Variants in MAP3K1 observed in about 807,000 individuals in gnomAD.
MAP3K1 encodes the protein MAP/ERK kinase kinase 1.
Under a neutral mutation model 144.2 loss-of-function variants are expected in MAP3K1, and 36 were observed. The ratio of observed to expected loss-of-function variants is 0.25; its 90% CI spans 0.19 to 0.33. The LOEUF is 0.33. Ranked by LOEUF, MAP3K1 falls within the 10% of genes least tolerant of loss-of-function variation. The pLI is 1.00. For missense variants in MAP3K1, 1,650 were observed against 1,881.9 expected, an observed-to-expected ratio of 0.88 and a Z score of 2.28; for synonymous variants, 718 against 688.7, an observed-to-expected ratio of 1.04 and a Z score of -0.67.
Position 56,815,972 on chromosome 5 carries a change from C to T in MAP3K1, c.399C>T (p.Ser133=), listed in dbSNP as rs945114075. Residue 133 remains serine, a synonymous_variant, in exon 1 of 20, where the codon AGC becomes AGT. Coordinates refer to ENST00000399503, the MANE Select transcript of MAP3K1 (RefSeq NM_005921.2). The part of the protein sequence containing the change: ...HLTESVAAPD[S]GASSPAAAEP... ...CCGAGTCGGTGGCGGCGCCGGACAGCGGCGCCTCGAGTCCCGCAGCGGCCG... is the reference window on the plus strand; with the variant it reads ...CCGAGTCGGTGGCGGCGCCGGACAGTGGCGCCTCGAGTCCCGCAGCGGCCG... 2.4e-6 allele frequency: 3 copies of T among 1,257,200 alleles called. No homozygotes were observed. The highest frequency in any genetic ancestry group is 2.0e-6 in the Non-Finnish European group (2 of 1,002,506). 77.9% of individuals were successfully genotyped at this position (1,257,200 alleles called of 1,614,324 possible). A position where few individuals can be genotyped will look rare whatever the true frequency, so the allele number is the denominator to read the frequency against.
chr5:56,885,660 A>G (rs1233776733), intron 16 of MAP3K1, among the ~76,000 whole-genome samples: 1 of 152,222 alleles, frequency 6.6e-6, no homozygotes, highest in African/African-American at 2.4e-5. Context: ...TGAATTGTAC[A>G]TTTCAGAAAT....
chr5:56,893,302 A>C (rs1325928589), intron 19 of MAP3K1, among the ~76,000 whole-genome samples: 2 of 152,224 alleles, frequency 1.3e-5, no homozygotes, highest in Non-Finnish European at 2.9e-5. Flanking sequence ...AATAGGATAT[A>C]TTTGATCAAA....
At chr5:56,869,962 C>G (rs759134415) in intron 6 of MAP3K1, among the ~76,000 whole-genome samples, 4 of 152,138 alleles carry the variant, frequency 2.6e-5, no homozygotes, top group African/African-American at 9.7e-5. Flanking sequence ...GCCTTCATCA[C>G]AGGAATCACG....
chr5:56,883,737 C>T, intron 15 of MAP3K1, 58 bp downstream of exon 15: 2 of 1,562,772 alleles, frequency 1.3e-6, no homozygotes, highest in Non-Finnish European at 1.8e-6. Context: ...GAAGCATGTT[C>T]AGTAAAAAGA....
intron 10 of MAP3K1, among the ~76,000 whole-genome samples, chr5:56,877,182 A>C (rs540736533): frequency 6.6e-6 from 1 of 152,328 alleles, no homozygotes; most frequent in South Asian, 2.1e-4. Flanking sequence ...CAATTGGCCC[A>C]ATATTTTGCC....
At chr5:56,820,908 A>G (rs1338407578) in intron 1 of MAP3K1, 1 of 508,122 alleles carries the variant, frequency 2.0e-6, no homozygotes, top group African/African-American at 2.1e-5. Flanking sequence ...TTAGTTTCAA[A>G]CTATTTCTGC....
At position 56,882,271 on chromosome 5, in the gene MAP3K1, A is replaced by G. The variant is rs373003943; in HGVS notation, c.3071A>G (p.Lys1024Arg). ...TCTGCATCTCCTCAAACACAGCGCAAGTTTTCTCTACAATTCCACAGAAAC... is the reference window on the plus strand; with the variant it reads ...TCTGCATCTCCTCAAACACAGCGCAGGTTTTCTCTACAATTCCACAGAAAC... The part of the protein sequence containing the change: ...IPSASPQTQR[K>R]FSLQFHRNCP... Residue 1024 changes from lysine to arginine, a missense_variant, in exon 14 of 20, where the codon AAG (lysine) becomes AGG (arginine). Around this residue, in one of 6 missense-constraint regions of MAP3K1, gnomAD observed 841 missense variants for 886.5 expected, o/e 0.95. Transcript: ENST00000399503. 8.1e-6 allele frequency: 13 copies of G among 1,614,112 alleles called. No homozygotes were observed. Among genetic ancestry groups the G allele is most frequent in the East Asian group, 4.5e-5 (2 of 44,876 alleles).
Position 56,882,572 on chromosome 5 carries a change from C to T in MAP3K1, c.3372C>T (p.Val1124=). ...TAGAGGAGAAATGCAGATTAGATGTCAATACAGAGCTCAACTCCAGTATTG... is the reference window on the plus strand; with the variant it reads ...TAGAGGAGAAATGCAGATTAGATGTTAATACAGAGCTCAACTCCAGTATTG... ...TPVEEKCRLD[V]NTELNSSIED... Residue 1124 remains valine, a synonymous_variant, in exon 14 of 20, where the codon GTC becomes GTT. Transcript: ENST00000399503. The T allele has an allele frequency of 1.9e-6, 3 of 1,614,118 alleles. No homozygotes were observed. The highest frequency in any genetic ancestry group is 2.5e-6 in the Non-Finnish European group (3 of 1,180,002).
At chr5:56,867,057 C>T (rs1190777599) in intron 6 of MAP3K1, among the ~76,000 whole-genome samples, 2 of 152,164 alleles carry the variant, frequency 1.3e-5, no homozygotes, top group African/African-American at 4.8e-5. Context: ...CTCCTGAACT[C>T]CTAGCCCCAA....
rs138910572 is a variant in MAP3K1, at chr5:56,890,000, T to G, written c.4389+1643T>G. Among the ~76,000 whole-genome samples, 4 of 152,280 alleles carry G rather than the reference T, an allele frequency of 2.6e-5. No homozygotes were observed. In the East Asian group the frequency reaches 7.7e-4, roughly 29 times the overall value. On this transcript the variant is annotated intron_variant, in intron 19 of 19. Transcript: ENST00000399503. ...TACGTGGTTCAAATTCTTATTCTCT[T>G]TAAGGCCCCCATTTTGTGCTTCTCC...
chr5:56,884,198 A>G (rs1180320419), intron 15 of MAP3K1, among the ~76,000 whole-genome samples: 1 of 152,224 alleles, frequency 6.6e-6, no homozygotes, highest in Non-Finnish European at 1.5e-5. Flanking sequence ...CTACAATATC[A>G]AGATGGGCCT....
rs2111864277 is a variant in MAP3K1, at chr5:56,856,703, G to A, written c.586G>A (p.Ala196Thr). The change falls in exon 2 of 20, where the codon GCC (alanine) becomes ACC (threonine). Residue 196 changes from alanine to threonine, a missense_variant. By Grantham distance (58) the Ala-to-Thr change is moderately conservative. Around this residue, in one of 6 missense-constraint regions of MAP3K1, gnomAD observed 148 missense variants for 177.2 expected, o/e 0.84. Coordinates refer to ENST00000399503, the MANE Select transcript of MAP3K1 (RefSeq NM_005921.2). ...GAAACTGAAGGCAACCTGTATGCCA[G>A]CCTGGAAGCACGAATGGTTGGAAAG... The part of the protein sequence containing the change: ...REKLKATCMP[A>T]WKHEWLERRN... 6.2e-7 allele frequency: 1 copy of A among 1,614,092 alleles called. No individual in the cohort carries two copies. Among genetic ancestry groups the A allele is most frequent in the Non-Finnish European group, 8.5e-7 (1 of 1,179,936 alleles).
Position 56,895,372 on chromosome 5 carries a change from T to A in MAP3K1, c.*1692T>A, listed in dbSNP as rs866184770. ...TGACTTTCTTTTTTATTTTGTTTTT[T>A]TTTTTTTTTGACTACTTAGAATTTT... On this transcript the variant is annotated 3_prime_UTR_variant, in exon 20 of 20. Transcript: ENST00000399503. The A allele has an allele frequency of 7.1e-4, 165 of 230,938 alleles. No individual in the cohort carries two copies. In the Middle Eastern group the frequency reaches 0.016, roughly 22 times the overall value. 14.3% of individuals were successfully genotyped at this position (230,938 alleles called of 1,614,324 possible).
intron 1 of MAP3K1, among the ~76,000 whole-genome samples, chr5:56,836,155 C>T (rs1160554605): frequency 6.6e-6 from 1 of 152,184 alleles, no homozygotes; most frequent in African/African-American, 2.4e-5. Context: ...TTGATGTGAG[C>T]AGTTCCTGTA....
At position 56,864,743 on chromosome 5, in the gene MAP3K1, G is replaced by T. The variant is rs1323058158; in HGVS notation, c.844G>T (p.Gly282Cys). Residue 282 changes from glycine to cysteine, a missense_variant, in exon 4 of 20, where the codon GGC (glycine) becomes TGC (cysteine). Coordinates refer to ENST00000399503, the MANE Select transcript of MAP3K1 (RefSeq NM_005921.2). The stretch of plus-strand genomic sequence containing the variant: ...AAAAAATGTTGTGAAGTTTCAGAGT[G>T]GCAGAATCACACCACCCCGAAGAGC... ...KRVSPVPFQS[G>C]RITPPRRAPS... 1 of 1,613,886 alleles carries T rather than the reference G, an allele frequency of 6.2e-7. No individual in the cohort carries two copies. The highest frequency in any genetic ancestry group is 8.5e-7 in the Non-Finnish European group (1 of 1,179,960).
At chr5:56,817,025 C>A in intron 1 of MAP3K1, 2 of 982,470 alleles carry the variant, frequency 2.0e-6, no homozygotes, top group African/African-American at 1.7e-5. Flanking sequence ...GGTGCCCTGG[C>A]GCGGGCCGCC....
rs56069227 is a variant in MAP3K1, at chr5:56,859,845, A to G, written c.764A>G (p.Asn255Ser). The G allele has an allele frequency of 0.026, 41,188 of 1,613,710 alleles. 551 individuals are homozygous for G. The highest frequency in any genetic ancestry group is 0.029 in the Non-Finnish European group (34,476 of 1,179,824). The stretch of plus-strand genomic sequence containing the variant: ...GGCCGACGCAGTCCTTCTCCTGGCA[A>G]CTCCCCATCAGGTCGCACAGTGAAA... ...SKGRRSPSPG[N>S]SPSGRTVKSE... The change falls in exon 3 of 20, where the codon AAC becomes AGC. Residue 255 changes from asparagine (N) to serine (S), a missense_variant. Around this residue, in one of 6 missense-constraint regions of MAP3K1, gnomAD observed 148 missense variants for 177.2 expected, o/e 0.84. Transcript: ENST00000399503.
chr5:56,890,041 T>C (rs1181880483), intron 19 of MAP3K1, among the ~76,000 whole-genome samples: 2 of 152,172 alleles, frequency 1.3e-5, no homozygotes, highest in Admixed American at 1.3e-4. Context: ...GGGCACCCCC[T>C]TTTTACTCAT....
In MAP3K1 at chr5:56,882,152, A is replaced by G; in HGVS notation, c.2952A>G (p.Ser984=). 3 of 1,614,124 alleles carry G rather than the reference A, an allele frequency of 1.9e-6. No homozygotes were observed. The highest frequency in any genetic ancestry group is 2.5e-6 in the Non-Finnish European group (3 of 1,180,018). The change falls in exon 14 of 20, where the codon TCA becomes TCG. Residue 984 remains serine (S), a synonymous_variant. Coordinates refer to ENST00000399503, the MANE Select transcript of MAP3K1 (RefSeq NM_005921.2). ...CCCAATTAATGTTTCCAGCCTTGTCAACCCCTTCTTCTTCTACCCCATCTG... is the reference window on the plus strand; with the variant it reads ...CCCAATTAATGTTTCCAGCCTTGTCGACCCCTTCTTCTTCTACCCCATCTG... ...HHSQLMFPAL[S]TPSSSTPSVP... is the part of the protein sequence containing the mutation.
Sources: allele counts gnomAD v4.1 joint callset (sites outside exome capture counted in the v4.1 genomes callset), GRCh38; gene constraint gnomAD v4.1.1; regional missense constraint gnomAD v4.1.1; transcripts MANE v1.5; gene names NCBI Gene and HGNC (gene_info 2026-07-23, HGNC 2026-07-21).